PTPN13: variants seen among roughly 807,000 people sequenced by gnomAD.
The protein encoded by PTPN13 is protein tyrosine phosphatase non-receptor type 13, also known as tyrosine-protein phosphatase non-receptor type 13.
PTPN13 carries 191 observed loss-of-function variants against 284.0 expected under a neutral mutation model. The observed-to-expected ratio is 0.67, with a 90% CI of 0.60 to 0.76. The LOEUF is 0.76. Among genes scored for constraint, PTPN13 ranks in the 30% least tolerant of loss-of-function variants. The pLI is 0.00. For synonymous variants in PTPN13, 986 were observed against 1,022.3 expected (o/e 0.96, Z 0.68); for missense variants, 2,797 against 2,939.9 (o/e 0.95, Z 1.12).
intron 40 of PTPN13, 50 bp downstream of exon 40, chr4:86,785,986 T>C (rs1448297657): frequency 2.8e-6 from 3 of 1,074,128 alleles, no homozygotes; most frequent in South Asian, 1.8e-5. Flanking sequence ...GTTACAATTA[T>C]GGGTTTAACC....
At chr4:86,615,035 T>C (rs1232561581) in intron 1 of PTPN13, among the ~76,000 whole-genome samples, 2 of 152,132 alleles carry the variant, frequency 1.3e-5, no homozygotes, top group Non-Finnish European at 2.9e-5. Flanking sequence ...GTACACAATT[T>C]GTTTTTAGCA....
In PTPN13 at chr4:86,732,492, T is replaced by C. The variant is rs757109867; in HGVS notation, c.1683+18T>C. On this transcript the variant is annotated intron_variant, in intron 11 of 47. Transcript: ENST00000411767. Reference sequence around the variant, plus strand: ...CTATTCTTGTAAGTAATAAAACCAATTTGTGTCACTCTTAGAAAATAATTT... The same window carrying C: ...CTATTCTTGTAAGTAATAAAACCAACTTGTGTCACTCTTAGAAAATAATTT... The C allele has an allele frequency of 6.3e-7, 1 of 1,594,076 alleles. No individual in the cohort carries two copies. Among genetic ancestry groups the C allele is most frequent in the East Asian group, 2.2e-5 (1 of 44,494 alleles).
At chr4:86,694,314 C>T (rs1427018655) in intron 6 of PTPN13, among the ~76,000 whole-genome samples, 1 of 151,734 alleles carries the variant, frequency 6.6e-6, no homozygotes, top group African/African-American at 2.4e-5. Flanking sequence ...GGCGTGGTGG[C>T]TCACGCCTGT....
chr4:86,774,371 A>G lies in PTPN13; in HGVS notation c.5350-2A>G, dbSNP rs1359965666. On this transcript the variant is annotated splice_acceptor_variant, in intron 32 of 47. Coordinates refer to ENST00000411767, the MANE Select transcript of PTPN13 (RefSeq NM_080683.3). LOFTEE classifies it high-confidence loss of function. ...AAAAGTATTACTGCTTTTTTCCCTT[A>G]GGAAGTAGAACTCCTCATTACCCTA... 3.1e-6 allele frequency: 5 copies of G among 1,601,296 alleles called. No individual in the cohort carries two copies. The South Asian group carries it at 4.5e-5, about 15-fold the overall frequency.
intron 31 of PTPN13, 33 bp from the exon 32 acceptor site, chr4:86,772,745 T>C: frequency 6.5e-7 from 1 of 1,538,244 alleles, no homozygotes; most frequent in Non-Finnish European, 8.8e-7. Flanking sequence ...TTGAAATGTA[T>C]TTAAAAATAG....
chr4:86,786,617 G>GCT (rs1741946230), intron 40 of PTPN13, among the ~76,000 whole-genome samples: 1 of 152,072 alleles, frequency 6.6e-6, no homozygotes, highest in South Asian at 2.1e-4. Flanking sequence ...TTCTTAAGAT[G>GCT]CTCTTTCATA....
chr4:86,750,001 C>A (rs1737206704), intron 17 of PTPN13, among the ~76,000 whole-genome samples: 1 of 152,176 alleles, frequency 6.6e-6, no homozygotes, highest in African/African-American at 2.4e-5. Context: ...ACTGTCTGGG[C>A]AAAACCCCTC....
chr4:86,635,116 A>G, intron 1 of PTPN13, 136 bp from the exon 2 acceptor site: 2 of 965,306 alleles, frequency 2.1e-6, no homozygotes, highest in Non-Finnish European at 3.0e-6. Context: ...TTAAGATAAC[A>G]TTTAGATTGG....
intron 6 of PTPN13, among the ~76,000 whole-genome samples, chr4:86,699,430 A>G (rs1408892917): frequency 6.6e-6 from 1 of 151,984 alleles, no homozygotes; most frequent in Non-Finnish European, 1.5e-5. Flanking sequence ...AGAATTACTC[A>G]TGGAAAGATG....
chr4:86,627,738 C>G (rs1722002460), intron 1 of PTPN13, among the ~76,000 whole-genome samples: 1 of 152,118 alleles, frequency 6.6e-6, no homozygotes, highest in African/African-American at 2.4e-5. Flanking sequence ...CATCTTCAGG[C>G]AACCACTGAT....
intron 45 of PTPN13, among the ~76,000 whole-genome samples, chr4:86,808,634 C>A (rs1014014592): frequency 1.3e-5 from 2 of 152,162 alleles, no homozygotes; most frequent in African/African-American, 2.4e-5. Context: ...ATTTTTGATT[C>A]ATGATTTTTT....
chr4:86,763,696 C>G (rs1351291306), intron 24 of PTPN13, among the ~76,000 whole-genome samples: 1 of 152,032 alleles, frequency 6.6e-6, no homozygotes, highest in Non-Finnish European at 1.5e-5. Flanking sequence ...TTGCTTGAGG[C>G]CAGGAGTTCA....
chr4:86,737,047 A>G (rs1341592496), intron 15 of PTPN13, among the ~76,000 whole-genome samples: 3 of 152,088 alleles, frequency 2.0e-5, no homozygotes, highest in Non-Finnish European at 4.4e-5. Context: ...AAAATTTACC[A>G]TTTTTAAGTG....
intron 28 of PTPN13, 111 bp downstream of exon 28, chr4:86,768,087 T>C: frequency 1.0e-6 from 1 of 957,786 alleles, no homozygotes; most frequent in Non-Finnish European, 1.5e-6. Flanking sequence ...TCATTATTCT[T>C]GTCAAGTACA....
chr4:86,760,550 A>G (rs1738556350), intron 23 of PTPN13, among the ~76,000 whole-genome samples: 1 of 152,194 alleles, frequency 6.6e-6, no homozygotes. Flanking sequence ...CTCTGCCCTA[A>G]TGGAAGTTAC....
intron 45 of PTPN13, among the ~76,000 whole-genome samples, chr4:86,809,431 C>T (rs746551995): frequency 6.6e-6 from 1 of 152,130 alleles, no homozygotes; most frequent in African/African-American, 2.4e-5. Flanking sequence ...GGCACAGTGG[C>T]TCACGCCTGT....
chr4:86,716,951 G>GT (rs1733096011), intron 8 of PTPN13, 73 bp from the exon 9 acceptor site: 5 of 1,021,268 alleles, frequency 4.9e-6, no homozygotes, highest in Non-Finnish European at 7.5e-6. Context: ...TCTGCTAAGT[G>GT]TTTGAGTTTT....
In PTPN13 at chr4:86,667,532, G is replaced by C. The variant is rs1443310455; in HGVS notation, c.116-4833G>C. Reference sequence around the variant, plus strand: ...TTTATGACAAAACTATCAAGAAAATGTTAAAATGTAGGGGAACTATTCTGA... The same window carrying C: ...TTTATGACAAAACTATCAAGAAAATCTTAAAATGTAGGGGAACTATTCTGA... On this transcript the variant is annotated intron_variant, in intron 2 of 47. Coordinates refer to ENST00000411767, the MANE Select transcript of PTPN13 (RefSeq NM_080683.3). Among the ~76,000 whole-genome samples the C allele has an allele frequency of 2.0e-5, 3 of 152,040 alleles. No individual in the cohort carries two copies. In the East Asian group the frequency reaches 5.8e-4, roughly 29 times the overall value.
At chr4:86,694,399 A>T (rs1730366310) in intron 6 of PTPN13, among the ~76,000 whole-genome samples, 1 of 151,624 alleles carries the variant, frequency 6.6e-6, no homozygotes, top group Non-Finnish European at 1.5e-5. Flanking sequence ...TGGCCAACAT[A>T]GTGAAATCCC....
Sources: gnomAD v4.1 joint callset for allele counts (sites outside exome capture counted in the v4.1 genomes callset) on GRCh38, gnomAD v4.1.1 for gene constraint, MANE v1.5 for transcripts, NCBI Gene and HGNC (gene_info 2026-07-23, HGNC 2026-07-21) for gene names.